Variants in UGT8 observed in about 807,000 individuals in gnomAD.
The protein encoded by UGT8 is UDP glycosyltransferase 8, also known as 2-hydroxyacylsphingosine 1-beta-galactosyltransferase.
A neutral mutation model predicts 40.5 loss-of-function variants in UGT8; 12 were observed. The ratio of observed to expected loss-of-function variants is 0.30; its 90% CI spans 0.19 to 0.48. The LOEUF is 0.48. UGT8 is among the 20% of genes least tolerant of loss of function. The pLI is 0.99. For missense variants in UGT8, 513 were observed against 648.7 expected (o/e 0.79, Z 2.27); for synonymous variants, 224 against 240.4 (o/e 0.93, Z 0.63).
intron 3 of UGT8, chr4:114,665,343 T>C (rs1355297759): frequency 1.4e-4 from 142 of 981,700 alleles, no homozygotes; most frequent in Non-Finnish European, 1.6e-4. Context: ...AGCTTCTGGC[T>C]GTTTGTGGGG....
rs1265894990 is a variant in UGT8, at chr4:114,654,409, G to A, written c.823-9586G>A. On this transcript the variant is annotated intron_variant, in intron 2 of 5. Coordinates refer to ENST00000310836, the MANE Select transcript of UGT8 (RefSeq NM_001128174.3). ...TAGAGACATTTCAGCCCCTAGAGCT[G>A]CAAAATCTACCCTAGTAACGTTTAA... Among the ~76,000 whole-genome samples the A allele has an allele frequency of 3.3e-5, 5 of 152,108 alleles. No homozygotes were observed. The South Asian group carries it at 6.2e-4, about 19-fold the overall frequency.
chr4:114,603,741 T>C (rs893428972), intron 1 of UGT8, among the ~76,000 whole-genome samples: 2 of 152,040 alleles, frequency 1.3e-5, no homozygotes, highest in African/African-American at 4.8e-5. Flanking sequence ...GCACCTACTT[T>C]ATAGGGCTAC....
intron 2 of UGT8, among the ~76,000 whole-genome samples, chr4:114,624,586 A>ACTC (rs1732068547): frequency 6.6e-6 from 1 of 152,146 alleles, no homozygotes. Flanking sequence ...CAATTTTGCT[A>ACTC]AATTGTTGAT....
chr4:114,645,883 G>A (rs1733539228), intron 2 of UGT8, among the ~76,000 whole-genome samples: 1 of 152,124 alleles, frequency 6.6e-6, no homozygotes, highest in Admixed American at 6.6e-5. Flanking sequence ...TGTTTACTGA[G>A]TGCATACTGT....
At chr4:114,641,237 T>G (rs1057128607) in intron 2 of UGT8, among the ~76,000 whole-genome samples, 9 of 152,210 alleles carry the variant, frequency 5.9e-5, no homozygotes, top group South Asian at 2.1e-4. Context: ...ACTATCTTCA[T>G]AGACAAGGTT....
At chr4:114,652,410 T>C (rs62668962) in intron 2 of UGT8, among the ~76,000 whole-genome samples, 1 of 151,462 alleles carries the variant, frequency 6.6e-6, no homozygotes. Flanking sequence ...TTTTTTTTTT[T>C]AAGTAACTAG....
intron 2 of UGT8, among the ~76,000 whole-genome samples, chr4:114,662,583 A>G (rs993538586): frequency 1.3e-5 from 2 of 152,138 alleles, no homozygotes; most frequent in African/African-American, 4.8e-5. Flanking sequence ...AGCTAGAAGG[A>G]TGTACCTCCT....
chr4:114,618,420 C>T (rs1351418210), intron 1 of UGT8, among the ~76,000 whole-genome samples: 1 of 152,158 alleles, frequency 6.6e-6, no homozygotes, highest in Non-Finnish European at 1.5e-5. Flanking sequence ...TTATAAGAGA[C>T]AAGTCTAATT....
rs559524734 is a variant in UGT8 at position 114,665,103 on chromosome 4, T to G, written c.966-577T>G. Among the ~76,000 whole-genome samples, 5 of 152,370 alleles carry G rather than the reference T, an allele frequency of 3.3e-5. 1 individual carries two copies. The highest frequency in any genetic ancestry group is 1.3e-4 in the Admixed American group (2 of 15,300). On this transcript the variant is annotated intron_variant, in intron 3 of 5. Transcript: ENST00000310836. Reference sequence around the variant, plus strand: ...TATGTCTATTCCATTCAGACTCTTTTGTCACCCTCTTAGTTGTTAAGCATA... The same window carrying G: ...TATGTCTATTCCATTCAGACTCTTTGGTCACCCTCTTAGTTGTTAAGCATA...
chr4:114,643,619 G>A (rs1404286752), intron 2 of UGT8, among the ~76,000 whole-genome samples: 2 of 152,026 alleles, frequency 1.3e-5, no homozygotes. Context: ...GTATGTATTT[G>A]GCATTATGCA....
At chr4:114,640,156 G>T (rs978328679) in intron 2 of UGT8, among the ~76,000 whole-genome samples, 1 of 149,444 alleles carries the variant, frequency 6.7e-6, no homozygotes, top group African/African-American at 2.5e-5. Flanking sequence ...TCAGCCTCCC[G>T]AGTAGCTGGG....
At chr4:114,632,098 C>G (rs1353138210) in intron 2 of UGT8, among the ~76,000 whole-genome samples, 2 of 152,186 alleles carry the variant, frequency 1.3e-5, no homozygotes, top group Admixed American at 6.5e-5. Flanking sequence ...TCACCATTTG[C>G]TTTTGGCCTT....
intron 3 of UGT8, 143 bp from the exon 4 acceptor site, chr4:114,665,537 G>C: frequency 7.7e-7 from 1 of 1,293,990 alleles, no homozygotes; most frequent in South Asian, 2.1e-5. Context: ...AATATTTGCT[G>C]TTACCAAAGC....
chr4:114,628,689 A>G (rs1186905169), intron 2 of UGT8, among the ~76,000 whole-genome samples: 1 of 149,312 alleles, frequency 6.7e-6, no homozygotes, highest in Non-Finnish European at 1.5e-5. Flanking sequence ...TATTTATGGC[A>G]TCTTAAGTTC....
At chr4:114,603,510 C>T (rs763699405) in intron 1 of UGT8, among the ~76,000 whole-genome samples, 12 of 151,936 alleles carry the variant, frequency 7.9e-5, no homozygotes, top group East Asian at 7.7e-4. Flanking sequence ...TAAAGAAAAA[C>T]GAGAAGGTAC....
At chr4:114,647,356 T>TTG (rs34575248) in intron 2 of UGT8, among the ~76,000 whole-genome samples, 19,199 of 142,836 alleles carry the variant, frequency 0.13, 1,314 homozygotes, top group East Asian at 0.27. Context: ...ATTAGCTCTT[T>TTG]TGTGTGTGTG....
At chr4:114,608,096 T>G (rs2126086261) in intron 1 of UGT8, among the ~76,000 whole-genome samples, 1 of 152,344 alleles carries the variant, frequency 6.6e-6, no homozygotes, top group East Asian at 1.9e-4. Flanking sequence ...TCAATAGGAT[T>G]CTATCCTGTT....
At chr4:114,673,997 G>A (rs1182417933) in intron 5 of UGT8, among the ~76,000 whole-genome samples, 1 of 152,148 alleles carries the variant, frequency 6.6e-6, no homozygotes, top group African/African-American at 2.4e-5. Flanking sequence ...ATACTTTTAT[G>A]TAATAGCCTT....
intron 2 of UGT8, among the ~76,000 whole-genome samples, chr4:114,644,263 T>C (rs1470438784): frequency 3.3e-5 from 5 of 152,138 alleles, no homozygotes; most frequent in Non-Finnish European, 5.9e-5. Flanking sequence ...TAATTAATTA[T>C]AGCAGAAGAA....
Sources: gnomAD v4.1 joint callset for allele counts (sites outside exome capture counted in the v4.1 genomes callset) on GRCh38, gnomAD v4.1.1 for gene constraint, MANE v1.5 for transcripts, NCBI Gene and HGNC (gene_info 2026-07-23, HGNC 2026-07-21) for gene names.